SLC24A2: variants seen among roughly 807,000 people sequenced by gnomAD.
SLC24A2 encodes the protein solute carrier family 24 member 2.
Under a neutral mutation model 62.0 loss-of-function variants are expected in SLC24A2, and 36 were observed. That is an observed-to-expected ratio of 0.58 (90% CI 0.44 to 0.77). The LOEUF is 0.77. Ranked by LOEUF, SLC24A2 falls within the 30% of genes least tolerant of loss-of-function variation. The pLI, the probability that SLC24A2 is intolerant of heterozygous loss-of-function variation, is 0.00. For synonymous variants in SLC24A2, 358 were observed against 294.0 expected (o/e 1.22, Z -2.23); for missense variants, 846 against 817.9 (o/e 1.03, Z -0.42).
chr9:20,198,633 C>T, the SLC24A2 span, among the ~76,000 whole-genome samples: 277 of 152,200 alleles, frequency 1.8e-3, no homozygotes, highest in African/African-American at 5.5e-3. Context: ...ATTTGTGGAA[C>T]ACATGGGGTC....
Position 19,509,446 on chromosome 9 carries a change from G to A in SLC24A2, c.*6707C>T, listed in dbSNP as rs4977543. ...ACAAAACAGGAATGACTCATGGACT[G>A]CTTATTGATTGACTATATTCAGAAG... On this transcript the variant is annotated 3_prime_UTR_variant, in exon 11 of 11. Coordinates refer to ENST00000341998, the MANE Select transcript of SLC24A2 (RefSeq NM_020344.4). 6 of 152,180 alleles carry A rather than the reference G, an allele frequency of 3.9e-5. No individual in the cohort carries two copies. Among genetic ancestry groups the A allele is most frequent in the Admixed American group, 3.3e-4 (5 of 15,292 alleles). The allele number at this position is 152,180 out of a possible 1,614,324, so 9.4% of individuals were successfully genotyped here. A position where few individuals can be genotyped will look rare whatever the true frequency, so the allele number is the denominator to read the frequency against.
the SLC24A2 span, among the ~76,000 whole-genome samples, chr9:20,118,493 T>C: frequency 6.6e-6 from 1 of 152,118 alleles, no homozygotes; most frequent in African/African-American, 2.4e-5. Context: ...TTGTTGGACA[T>C]TGTGGATTCA....
chr9:19,679,878 G>GTGTGTC (rs1480362456), intron 2 of SLC24A2, among the ~76,000 whole-genome samples: 9 of 132,466 alleles, frequency 6.8e-5, no homozygotes, highest in African/African-American at 1.5e-4. Context: ...GTGTGTGTGT[G>GTGTGTC]TGTGTCTGTG....
chr9:20,103,551 T>C, the SLC24A2 span, among the ~76,000 whole-genome samples: 8 of 152,194 alleles, frequency 5.3e-5, no homozygotes, highest in Non-Finnish European at 8.8e-5. Context: ...GAAAATCCAC[T>C]GTTCTGCAGC....
chr9:20,166,179 C>A, the SLC24A2 span, among the ~76,000 whole-genome samples: 1 of 151,894 alleles, frequency 6.6e-6, no homozygotes, highest in African/African-American at 2.4e-5. Context: ...GCTGGTAGGA[C>A]TGCAGAATGA....
At chr9:20,064,904 C>T in the SLC24A2 span, among the ~76,000 whole-genome samples, 1 of 152,148 alleles carries the variant, frequency 6.6e-6, no homozygotes, top group African/African-American at 2.4e-5. Context: ...ATGTGCCTGC[C>T]AGTCACCCTG....
chr9:19,838,640 A>T, the SLC24A2 span, among the ~76,000 whole-genome samples: 1 of 149,034 alleles, frequency 6.7e-6, no homozygotes, highest in South Asian at 2.1e-4. Context: ...CTCTGGTCTC[A>T]AAAAAAAAAG....
At chr9:19,553,162 T>G (rs944069950) in intron 7 of SLC24A2, among the ~76,000 whole-genome samples, 2 of 152,198 alleles carry the variant, frequency 1.3e-5, no homozygotes, top group African/African-American at 4.8e-5. Context: ...AAAGTCTCAC[T>G]CTGGCTCAAT....
chr9:19,920,689 C>A, the SLC24A2 span, among the ~76,000 whole-genome samples: 4 of 152,190 alleles, frequency 2.6e-5, no homozygotes, highest in African/African-American at 9.7e-5. Flanking sequence ...AGTGTTAACT[C>A]TCCACGCTTC....
Position 19,772,121 on chromosome 9 carries a change from G to A in SLC24A2, c.930+13816C>T, listed in dbSNP as rs371022248. Among the ~76,000 whole-genome samples, 15 of 152,270 alleles carry A rather than the reference G, an allele frequency of 9.9e-5. No homozygotes were observed. In the South Asian group the frequency reaches 3.1e-3, roughly 32 times the overall value. On this transcript the variant is annotated intron_variant, in intron 2 of 10. Transcript: ENST00000341998. ...TTTAGATAAGGCAGAGAAGAATCAGGAGCAGGCAAAGAAGGATGATGCAGC... is the reference window on the plus strand; with the variant it reads ...TTTAGATAAGGCAGAGAAGAATCAGAAGCAGGCAAAGAAGGATGATGCAGC...
At chr9:19,696,840 T>C (rs1253844035) in intron 2 of SLC24A2, among the ~76,000 whole-genome samples, 2 of 152,312 alleles carry the variant, frequency 1.3e-5, no homozygotes, top group African/African-American at 4.8e-5. Context: ...TAATTTAATT[T>C]CAAATATATA....
At chr9:19,990,412 C>A in the SLC24A2 span, among the ~76,000 whole-genome samples, 1 of 151,850 alleles carries the variant, frequency 6.6e-6, no homozygotes, top group African/African-American at 2.4e-5. Flanking sequence ...GAGTTCGAGA[C>A]CATCCTGGCC....
the SLC24A2 span, among the ~76,000 whole-genome samples, chr9:19,892,820 C>T: frequency 6.6e-6 from 1 of 152,092 alleles, no homozygotes; most frequent in South Asian, 2.1e-4. Flanking sequence ...GTAAGTGGCA[C>T]ATCAGGGGTT....
chr9:19,988,540 T>C, the SLC24A2 span, among the ~76,000 whole-genome samples: 3 of 152,176 alleles, frequency 2.0e-5, no homozygotes, highest in Non-Finnish European at 4.4e-5. Context: ...CATTGTTTTT[T>C]ACAAGGCTCT....
At chr9:19,874,433 T>C in the SLC24A2 span, among the ~76,000 whole-genome samples, 3 of 151,694 alleles carry the variant, frequency 2.0e-5, no homozygotes, top group African/African-American at 7.3e-5. Flanking sequence ...GCTAGAAAAG[T>C]CCAAAAATTC....
At chr9:20,002,434 C>A in the SLC24A2 span, among the ~76,000 whole-genome samples, 1 of 148,088 alleles carries the variant, frequency 6.8e-6, no homozygotes, top group Non-Finnish European at 1.5e-5. Context: ...TAGCATAACA[C>A]CAGGAAAATC....
the SLC24A2 span, among the ~76,000 whole-genome samples, chr9:20,079,309 C>T: frequency 2.0e-5 from 3 of 152,148 alleles, no homozygotes; most frequent in Non-Finnish European, 2.9e-5. Context: ...TGTTATGACA[C>T]CCCTAGGAAA....
chr9:19,731,516 C>CTCTCTCTCCGTGT lies in SLC24A2; in HGVS notation c.930+54420_930+54421insACACGGAGAGAGA, dbSNP rs72153360. ...ACTTGTTTCTCTCTCTCTCTCTCTC[C>CTCTCTCTCCGTGT]GTGTGTGTGTGTGTGTGTGTGTGTG... On this transcript the variant is annotated intron_variant, in intron 2 of 10. Coordinates refer to ENST00000341998, the MANE Select transcript of SLC24A2 (RefSeq NM_020344.4). Among the ~76,000 whole-genome samples, 19 of 113,824 alleles carry CTCTCTCTCCGTGT rather than the reference C, an allele frequency of 1.7e-4. No homozygotes were observed. In the East Asian group the frequency reaches 2.6e-3, roughly 16 times the overall value. The allele number at this position is 113,824 out of a possible 152,430, so 74.7% of individuals were successfully genotyped here.
chr9:19,821,360 G>A, the SLC24A2 span, among the ~76,000 whole-genome samples: 2 of 152,066 alleles, frequency 1.3e-5, no homozygotes, highest in Admixed American at 6.6e-5. Flanking sequence ...AGTGATGATT[G>A]TCCCTATTGC....
Sources: allele counts gnomAD v4.1 joint callset (sites outside exome capture counted in the v4.1 genomes callset), GRCh38; gene constraint gnomAD v4.1.1; transcripts MANE v1.5; gene names NCBI Gene and HGNC (gene_info 2026-07-23, HGNC 2026-07-21).